The following RAVER2 variants were observed in gnomAD, a reference collection of about 807,000 sequenced individuals.
The protein encoded by RAVER2 is ribonucleoprotein, PTB binding 2.
A neutral mutation model predicts 78.1 loss-of-function variants in RAVER2; 46 were observed. That is an observed-to-expected ratio of 0.59 (90% CI 0.46 to 0.75). The LOEUF is 0.75. RAVER2 is among the 30% of genes least tolerant of loss of function. The probability of loss-of-function intolerance (pLI) is 0.00; values close to 1 mark genes in which losing one functional copy is unlikely to be tolerated. For missense variants in RAVER2, 793 were observed against 837.5 expected (o/e 0.95, Z 0.66); for synonymous variants, 311 against 313.3 (o/e 0.99, Z 0.08).
intron 4 of RAVER2, among the ~76,000 whole-genome samples, chr1:64,784,866 A>G (rs566201063): frequency 1.8e-4 from 27 of 152,146 alleles, no homozygotes; most frequent in Non-Finnish European, 2.6e-4. Flanking sequence ...GATCTCTCAA[A>G]TCCTTGGGAC....
At chr1:64,767,816 AGTTTCT>A (rs566343967) in intron 1 of RAVER2, among the ~76,000 whole-genome samples, 29 of 152,202 alleles carry the variant, frequency 1.9e-4, no homozygotes, top group East Asian at 1.3e-3. Flanking sequence ...TGTAAAATGC[AGTTTCT>A]GTTTCTAAGT....
chr1:64,791,437 A>G (rs1200872557), intron 5 of RAVER2, among the ~76,000 whole-genome samples: 3 of 152,158 alleles, frequency 2.0e-5, no homozygotes, highest in African/African-American at 4.8e-5. Flanking sequence ...GAAGCTATCT[A>G]TGTGTCCATA....
intron 11 of RAVER2, among the ~76,000 whole-genome samples, chr1:64,826,034 A>C (rs1054015580): frequency 1.3e-5 from 2 of 152,238 alleles, no homozygotes; most frequent in African/African-American, 2.4e-5. Flanking sequence ...TACGGTGTTC[A>C]GTTTTTCCAT....
chr1:64,818,559 G>T (rs562248298), intron 11 of RAVER2, among the ~76,000 whole-genome samples: 1 of 152,052 alleles, frequency 6.6e-6, no homozygotes, highest in African/African-American at 2.4e-5. Context: ...AACAAAACTG[G>T]ACTAAATATG....
chr1:64,775,216 G>A (rs973352107), intron 2 of RAVER2, among the ~76,000 whole-genome samples: 2 of 152,172 alleles, frequency 1.3e-5, no homozygotes, highest in African/African-American at 4.8e-5. Flanking sequence ...TCAATATGAA[G>A]ATATATGTGG....
intron 9 of RAVER2, 148 bp downstream of exon 9, chr1:64,807,622 A>G (rs1653481608): frequency 1.1e-6 from 1 of 936,394 alleles, no homozygotes; most frequent in African/African-American, 1.7e-5. Context: ...AAAACATTGC[A>G]TTCTTTTAAA....
At chr1:64,756,419 G>A (rs1052089345) in intron 1 of RAVER2, among the ~76,000 whole-genome samples, 1 of 152,012 alleles carries the variant, frequency 6.6e-6, no homozygotes, top group African/African-American at 2.4e-5. Context: ...TTAGTTCAAT[G>A]GGTTATGCTG....
chr1:64,789,261 A>T, intron 4 of RAVER2, 127 bp from the exon 5 acceptor site: 1 of 789,580 alleles, frequency 1.3e-6, no homozygotes, highest in African/African-American at 1.8e-5. Flanking sequence ...TATATAATAT[A>T]AATCAAATTA....
chr1:64,785,482 G>T (rs1052435219), intron 4 of RAVER2, among the ~76,000 whole-genome samples: 4 of 151,294 alleles, frequency 2.6e-5, no homozygotes, highest in Non-Finnish European at 5.9e-5. Flanking sequence ...CGACTCTCGT[G>T]CCTCAGCCTC....
chr1:64,769,758 T>C (rs1652264862), intron 2 of RAVER2, among the ~76,000 whole-genome samples: 1 of 152,038 alleles, frequency 6.6e-6, no homozygotes, highest in African/African-American at 2.4e-5. Context: ...ACCTTCAGCA[T>C]GGGATATGCA....
At chr1:64,831,175 C>T (rs764681385) in exon 12 of RAVER2, 77 of 461,520 alleles carry the variant, frequency 1.7e-4, no homozygotes, top group Non-Finnish European at 1.3e-4. Flanking sequence ...CAATTGAGGA[C>T]ATTTTCCACT....
At chr1:64,805,187 T>A in intron 8 of RAVER2, 82 bp downstream of exon 8, 1 of 1,286,102 alleles carries the variant, frequency 7.8e-7, no homozygotes, top group Non-Finnish European at 1.1e-6. Context: ...TCTAATTTTA[T>A]TTACAGGGAG....
exon 8 of RAVER2, chr1:64,804,997 G>T (rs550045391): frequency 1.2e-6 from 2 of 1,613,432 alleles, no homozygotes; most frequent in East Asian, 2.2e-5. Context: ...GTAGAAACCC[G>T]GCTTACTTGG....
chr1:64,832,702 G>A (rs1212998822), exon 12 of RAVER2: 1 of 152,152 alleles, frequency 6.6e-6, no homozygotes, highest in Non-Finnish European at 1.5e-5. Flanking sequence ...GAAAATGACT[G>A]ACAGCTAGAA....
chr1:64,750,281 TGCTC>T (rs1651661636), intron 1 of RAVER2, among the ~76,000 whole-genome samples: 1 of 151,738 alleles, frequency 6.6e-6, no homozygotes, highest in African/African-American at 2.4e-5. Context: ...AATTTTTTTC[TGCTC>T]TTTCTCTTTT....
rs201736471 is a variant in RAVER2 at position 64,763,136 on chromosome 1, C to T, written c.250-5520C>T. 1.3e-3 allele frequency among the ~76,000 whole-genome samples: 199 copies of T among 152,074 alleles called. 3 individuals carry two copies. The highest frequency in any genetic ancestry group is 9.4e-3 in the Admixed American group (144 of 15,274). On this transcript the variant is annotated intron_variant, in intron 1 of 11. Coordinates refer to ENST00000294428, the Ensembl canonical transcript of RAVER2. The stretch of plus-strand genomic sequence containing the variant: ...CATCCTGGCTAACACGGTGAAACTC[C>T]GTCTCTACTAAATATACGGGTGAGG...
At chr1:64,811,565 T>C (rs902417785) in intron 9 of RAVER2, among the ~76,000 whole-genome samples, 1 of 152,252 alleles carries the variant, frequency 6.6e-6, no homozygotes, top group Non-Finnish European at 1.5e-5. Context: ...CAGATCCATA[T>C]TGTAAACAAA....
intron 11 of RAVER2, among the ~76,000 whole-genome samples, chr1:64,816,892 A>G (rs553622387): frequency 1.3e-5 from 2 of 152,362 alleles, no homozygotes; most frequent in East Asian, 3.9e-4. Context: ...ACAAAAGCCA[A>G]AATTGACAAA....
chr1:64,750,222 CACAA>C (rs1651659817), intron 1 of RAVER2, among the ~76,000 whole-genome samples: 1 of 152,040 alleles, frequency 6.6e-6, no homozygotes, highest in Non-Finnish European at 1.5e-5. Context: ...TTTTTAGAAT[CACAA>C]ACAACCAAAT....
Sources: gnomAD v4.1 joint callset for allele counts (sites outside exome capture counted in the v4.1 genomes callset) on GRCh38, gnomAD v4.1.1 for gene constraint, MANE v1.5 for transcripts, NCBI Gene and HGNC (gene_info 2026-07-23, HGNC 2026-07-21) for gene names.